The following SRSF11 variants were observed in gnomAD, a reference collection of about 807,000 sequenced individuals.
The protein encoded by SRSF11 is serine and arginine rich splicing factor 11.
In SRSF11, 9 loss-of-function variants were observed where a neutral mutation model predicts 56.0. The ratio of observed to expected loss-of-function variants is 0.16; its 90% CI spans 0.10 to 0.28. The LOEUF is 0.28. SRSF11 is among the 10% of genes least tolerant of loss of function. SRSF11 has a pLI of 1.00. For synonymous variants in SRSF11, 222 were observed against 215.3 expected (o/e 1.03, Z -0.27); for missense variants, 421 against 600.7 (o/e 0.70, Z 3.13).
At chr1:70,231,935 G>A in intron 2 of SRSF11, 1 of 1,531,142 alleles carries the variant, frequency 6.5e-7, no homozygotes. Context: ...AACCGACTGT[G>A]CTTGCTTACG....
intron 6 of SRSF11, among the ~76,000 whole-genome samples, chr1:70,238,539 A>T (rs1214752079): frequency 1.3e-5 from 2 of 152,198 alleles, no homozygotes; most frequent in African/African-American, 2.4e-5. Flanking sequence ...CAGTTAAGGA[A>T]TTTCTTATGT....
intron 1 of SRSF11, among the ~76,000 whole-genome samples, chr1:70,212,868 T>C (rs564207842): frequency 3.3e-5 from 5 of 152,026 alleles, no homozygotes; most frequent in South Asian, 2.1e-4. Flanking sequence ...CTGGGCAACA[T>C]AGGGAGATGC....
chr1:70,230,736 T>C, intron 2 of SRSF11: 1 of 1,177,506 alleles, frequency 8.5e-7, no homozygotes. Flanking sequence ...TTCTATCAGG[T>C]GTCTCACAAT....
chr1:70,240,770 CTTTTTTT>C (rs72113966), intron 7 of SRSF11, among the ~76,000 whole-genome samples: 2 of 109,912 alleles, frequency 1.8e-5, no homozygotes, highest in Non-Finnish European at 3.6e-5. Flanking sequence ...CATCACTGGA[CTTTTTTT>C]TTTTTTTTTT....
intron 5 of SRSF11, among the ~76,000 whole-genome samples, chr1:70,237,101 T>C (rs1478828140): frequency 6.6e-6 from 1 of 152,140 alleles, no homozygotes; most frequent in African/African-American, 2.4e-5. Context: ...ATTTTTAATT[T>C]ATATGAATAA....
At chr1:70,223,685 C>T (rs1671130998) in intron 1 of SRSF11, among the ~76,000 whole-genome samples, 2 of 152,148 alleles carry the variant, frequency 1.3e-5, no homozygotes, top group Non-Finnish European at 2.9e-5. Context: ...TTATTAGTGG[C>T]CTTCTACATT....
At chr1:70,218,803 ATACT>A (rs1055763800), upstream of SRSF11, 27 of 152,342 alleles carry the variant, frequency 1.8e-4, no homozygotes, top group African/African-American at 6.0e-4. Flanking sequence ...GTATTCACAG[ATACT>A]TATTTATGAG....
At position 70,232,024 on chromosome 1, in the gene SRSF11, A is replaced by AT. The variant is rs200272639; in HGVS notation, c.338-235dup. On this transcript the variant is annotated intron_variant, in intron 2 of 11. Coordinates refer to ENST00000370949, the MANE Select transcript of SRSF11 (RefSeq NM_001350605.2). ...ACAAAAAAGTAGTGTGTATTGTGCT[A>AT]TTTTTTTTTACTCTAGAAACTTAAC... The AT allele has an allele frequency of 1.9e-4, 282 of 1,501,982 alleles. No homozygotes were observed. The African/African-American group carries it at 1.9e-3, about 10-fold the overall frequency. The allele number at this position is 1,501,982 out of a possible 1,614,324, so 93.0% of individuals were successfully genotyped here.
At position 70,251,312 on chromosome 1, in the gene SRSF11, C is replaced by T. The variant is rs573632356; in HGVS notation, c.*507C>T. On this transcript the variant is annotated 3_prime_UTR_variant, in exon 12 of 12. Transcript: ENST00000370949. ...TGACAAATTAACATTCTTATAGTTA[C>T]ATCTGGAAATGAGCATTTGAAATAG... 1 of 153,934 alleles carries T rather than the reference C, an allele frequency of 6.5e-6. No individual in the cohort carries two copies. The highest frequency in any genetic ancestry group is 6.4e-5 in the Admixed American group (1 of 15,526). The allele number at this position is 153,934 out of a possible 1,614,324, so 9.5% of individuals were successfully genotyped here.
chr1:70,229,815 T>C, intron 2 of SRSF11: 14 of 983,746 alleles, frequency 1.4e-5, no homozygotes, highest in Non-Finnish European at 1.7e-5. Context: ...TATAAATGGG[T>C]TAAGACATGT....
chr1:70,245,387 T>G (rs529469824), intron 8 of SRSF11, among the ~76,000 whole-genome samples: 3 of 152,190 alleles, frequency 2.0e-5, no homozygotes, highest in Admixed American at 6.5e-5. Context: ...AAAACTCAAC[T>G]GATGAGAACA....
chr1:70,234,833 A>G (rs1051524657), intron 4 of SRSF11, 45 bp downstream of exon 4: 1 of 1,466,574 alleles, frequency 6.8e-7, no homozygotes, highest in Admixed American at 2.0e-5. Flanking sequence ...TTTACAGAAG[A>G]TCTGTTTCAT....
In SRSF11 at chr1:70,226,122, T is replaced by G. The variant is rs376312903; in HGVS notation, c.204-2300T>G. ...AGGAGAATCGCTTGAACCTGGGAGG[T>G]GGAGGTTGCGGTGAGCCGAGATCGT... On this transcript the variant is annotated intron_variant, in intron 1 of 11. Transcript: ENST00000370949. Among the ~76,000 whole-genome samples, 58 of 150,436 alleles carry G rather than the reference T, an allele frequency of 3.9e-4. No individual in the cohort carries two copies. The East Asian group carries it at 6.1e-3, about 16-fold the overall frequency.
chr1:70,249,765 G>T, intron 9 of SRSF11, 187 bp from the exon 10 acceptor site: 1 of 557,842 alleles, frequency 1.8e-6, no homozygotes. Context: ...TCACCATGTT[G>T]CCCAGGCTGG....
upstream of SRSF11, among the ~76,000 whole-genome samples, chr1:70,217,973 T>C (rs1193938910): frequency 1.3e-5 from 2 of 151,970 alleles, no homozygotes; most frequent in Non-Finnish European, 2.9e-5. Flanking sequence ...TTTTTTTGTT[T>C]GTTTTTTGTG....
chr1:70,226,382 T>C (rs902843719), intron 1 of SRSF11, among the ~76,000 whole-genome samples: 2 of 152,156 alleles, frequency 1.3e-5, no homozygotes, highest in African/African-American at 4.8e-5. Flanking sequence ...GGTTTTGATA[T>C]AGCCAAAATA....
chr1:70,208,544 G>A (rs1384456890), intron 1 of SRSF11, among the ~76,000 whole-genome samples: 1 of 152,020 alleles, frequency 6.6e-6, no homozygotes, highest in African/African-American at 2.4e-5. Flanking sequence ...CGCCATGTTG[G>A]CCAGATTGGT....
intron 1 of SRSF11, among the ~76,000 whole-genome samples, chr1:70,223,089 CATG>C (rs956103034): frequency 4.6e-5 from 7 of 152,116 alleles, no homozygotes; most frequent in African/African-American, 7.2e-5. Context: ...GCTTTCATAA[CATG>C]AACATACAAA....
chr1:70,249,885 A>G (rs778648498), intron 9 of SRSF11, 67 bp from the exon 10 acceptor site: 52 of 1,494,724 alleles, frequency 3.5e-5, no homozygotes, highest in Non-Finnish European at 4.5e-5. Flanking sequence ...AGAATCATCT[A>G]TGATGTGTCT....
Sources: allele counts gnomAD v4.1 joint callset (sites outside exome capture counted in the v4.1 genomes callset), GRCh38; gene constraint gnomAD v4.1.1; transcripts MANE v1.5; gene names NCBI Gene and HGNC (gene_info 2026-07-23, HGNC 2026-07-21).